The following PREX1 variants were observed in gnomAD, a reference collection of about 807,000 sequenced individuals.
PREX1 encodes the protein phosphatidylinositol 3,4,5-trisphosphate-dependent Rac exchanger 1 protein.
A neutral mutation model predicts 198.3 loss-of-function variants in PREX1; 41 were observed. That is an observed-to-expected ratio of 0.21 (90% CI 0.16 to 0.27). PREX1 has a LOEUF of 0.27. Ranked by LOEUF, PREX1 falls within the 10% of genes least tolerant of loss-of-function variation. The pLI is 1.00. For synonymous variants in PREX1, 843 were observed against 887.2 expected (o/e 0.95, Z 0.89); for missense variants, 1,620 against 2,200.7 (o/e 0.74, Z 5.28).
intron 22 of PREX1, 95 bp downstream of exon 22, chr20:48,651,301 G>A (rs1205351730): frequency 1.3e-5 from 19 of 1,475,698 alleles, no homozygotes; most frequent in South Asian, 5.5e-5. Flanking sequence ...AATGGGATTC[G>A]GGTGTCCCAC....
At chr20:48,786,970 A>T (rs1295619411) in intron 1 of PREX1, among the ~76,000 whole-genome samples, 1 of 95,974 alleles carries the variant, frequency 1.0e-5, no homozygotes, top group Non-Finnish European at 2.1e-5. Flanking sequence ...TGACCCTCCC[A>T]GCCCCCCCTC....
In PREX1 at chr20:48,800,105, C is replaced by G. The variant is rs184633653; in HGVS notation, c.219+27537G>C. Among the ~76,000 whole-genome samples, 128 of 152,322 alleles carry G rather than the reference C, an allele frequency of 8.4e-4. 2 individuals carry two copies. The South Asian group carries it at 0.019, about 23-fold the overall frequency. ...ATTTGAATAAAGCTATTTCACCAAACTTTACACTCATTTAAACTTCACTAC... is the reference window on the plus strand; with the variant it reads ...ATTTGAATAAAGCTATTTCACCAAAGTTTACACTCATTTAAACTTCACTAC... On this transcript the variant is annotated intron_variant, in intron 1 of 39. Coordinates refer to ENST00000371941, the MANE Select transcript of PREX1 (RefSeq NM_020820.4).
At chr20:48,825,621 G>C (rs2090505334) in intron 1 of PREX1, among the ~76,000 whole-genome samples, 1 of 152,008 alleles carries the variant, frequency 6.6e-6, no homozygotes. Context: ...ATCTAGATCT[G>C]TTCTAAAATG....
chr20:48,805,820 C>G lies in PREX1; in HGVS notation c.219+21822G>C, dbSNP rs186380841. On this transcript the variant is annotated intron_variant, in intron 1 of 39. Transcript: ENST00000371941. ...CCAGGTTCAAATCCCAGCTCCAGTG[C>G]CAACTGACAATGAGACTTAGAACCA... is the stretch of plus-strand genomic sequence containing the variant. Among the ~76,000 whole-genome samples the G allele has an allele frequency of 2.0e-4, 31 of 152,336 alleles. No homozygotes were observed. The East Asian group carries it at 5.6e-3, about 27-fold the overall frequency.
intron 10 of PREX1, among the ~76,000 whole-genome samples, chr20:48,685,935 A>G (rs1036549047): frequency 4.3e-5 from 6 of 139,520 alleles, no homozygotes; most frequent in African/African-American, 1.5e-4. Flanking sequence ...ATATTCATGC[A>G]GTTCCCTAAC....
intron 33 of PREX1, among the ~76,000 whole-genome samples, chr20:48,633,371 G>A (rs1250047168): frequency 3.3e-5 from 5 of 152,234 alleles, no homozygotes; most frequent in Admixed American, 2.6e-4. Context: ...CAGATGCACA[G>A]ATAAACAGAC....
intron 5 of PREX1, among the ~76,000 whole-genome samples, chr20:48,722,355 C>T (rs890178557): frequency 2.0e-5 from 3 of 152,108 alleles, no homozygotes; most frequent in African/African-American, 2.4e-5. Flanking sequence ...CAGCCAGGCA[C>T]GAAAGACCAG....
At chr20:48,652,148 G>A (rs1460004284) in intron 21 of PREX1, among the ~76,000 whole-genome samples, 5 of 152,196 alleles carry the variant, frequency 3.3e-5, no homozygotes, top group African/African-American at 7.2e-5. Context: ...CGTGGGCATC[G>A]CGGCCGTGCG....
At chr20:48,667,527 T>C (rs1284719541) in intron 14 of PREX1, among the ~76,000 whole-genome samples, 1 of 152,222 alleles carries the variant, frequency 6.6e-6, no homozygotes, top group Non-Finnish European at 1.5e-5. Context: ...TGTCTGCTAC[T>C]GAGCCCACAA....
intron 4 of PREX1, among the ~76,000 whole-genome samples, chr20:48,732,614 A>C (rs764481717): frequency 6.6e-5 from 10 of 152,218 alleles, no homozygotes; most frequent in Non-Finnish European, 1.5e-4. Context: ...AAAGTCACTT[A>C]ATATTGTGAA....
At chr20:48,687,396 TC>T (rs1568824430) in intron 10 of PREX1, among the ~76,000 whole-genome samples, 1 of 152,202 alleles carries the variant, frequency 6.6e-6, no homozygotes, top group African/African-American at 2.4e-5. Flanking sequence ...AGTCCTGAAC[TC>T]CCTTTACTTT....
chr20:48,645,703 TCCCCC>T (rs1389355800), intron 26 of PREX1, 143 bp downstream of exon 26: 15 of 899,182 alleles, frequency 1.7e-5, no homozygotes, highest in Non-Finnish European at 1.3e-5. Context: ...TCTCAGATAA[TCCCCC>T]AGAACCACGC....
rs910395327 is a variant in PREX1 at position 48,708,428 on chromosome 20, T to C, written c.622-7A>G. On this transcript the variant is annotated splice_polypyrimidine_tract_variant and splice_region_variant and intron_variant, in intron 5 of 39. Coordinates refer to ENST00000371941, the MANE Select transcript of PREX1 (RefSeq NM_020820.4). ...GAGTCCTCTTGGCCAGCTCCTGGGG[T>C]AGAATAGAGGTGGGGAGAAGAAAGC... 1 of 1,613,148 alleles carries C rather than the reference T, an allele frequency of 6.2e-7. No individual in the cohort carries two copies. Among genetic ancestry groups the C allele is most frequent in the African/African-American group, 1.3e-5 (1 of 74,732 alleles).
In PREX1 at chr20:48,746,757, T is replaced by TA. The variant is rs11342038; in HGVS notation, c.291+1051dup. Among the ~76,000 whole-genome samples the TA allele has an allele frequency of 6.9e-3, 1,038 of 150,934 alleles. 14 individuals carry two copies. The highest frequency in any genetic ancestry group is 0.024 in the African/African-American group (990 of 41,068). On this transcript the variant is annotated intron_variant, in intron 2 of 39. Transcript: ENST00000371941. Reference sequence around the variant, plus strand: ...TTACTGTATGAGACTTCTACCTCATTAAAAAAAAAGGTAATTTTTTATAAA... The same window carrying TA: ...TTACTGTATGAGACTTCTACCTCATTAAAAAAAAAAGGTAATTTTTTATAAA...
Position 48,770,522 on chromosome 20 carries a change from CCAA to C in PREX1, c.220-22645_220-22643del, listed in dbSNP as rs577531524. On this transcript the variant is annotated intron_variant, in intron 1 of 39. Coordinates refer to ENST00000371941, the MANE Select transcript of PREX1 (RefSeq NM_020820.4). ...GGTCAGGAGTTCGAGACCAGCCTGG[CCAA>C]CAAGGCAAAACCCCATCTCTACTAA... 1.9e-3 allele frequency among the ~76,000 whole-genome samples: 285 copies of C among 152,274 alleles called. 1 individual carries two copies. The highest frequency in any genetic ancestry group is 6.5e-3 in the African/African-American group (271 of 41,554).
At position 48,676,281 on chromosome 20, in the gene PREX1, T is replaced by C; in HGVS notation, c.1590-13A>G. 1 of 1,612,872 alleles carries C rather than the reference T, an allele frequency of 6.2e-7. No homozygotes were observed. The highest frequency in any genetic ancestry group is 8.5e-7 in the Non-Finnish European group (1 of 1,179,156). ...GTAATCACGGTCTCTGTGGAGAAGG[T>C]GAGCGCACAGTGAGCAGGGCAGGGC... On this transcript the variant is annotated splice_polypyrimidine_tract_variant and intron_variant, in intron 13 of 39. Coordinates refer to ENST00000371941, the MANE Select transcript of PREX1 (RefSeq NM_020820.4).
intron 5 of PREX1, among the ~76,000 whole-genome samples, chr20:48,714,857 A>G (rs926262510): frequency 2.0e-5 from 3 of 152,224 alleles, no homozygotes; most frequent in South Asian, 4.1e-4. Flanking sequence ...ACTGCTTCAC[A>G]GTCTCAGAGG....
the PREX1 span, among the ~76,000 whole-genome samples, chr20:48,868,783 G>A: frequency 4.0e-5 from 6 of 151,898 alleles, no homozygotes; most frequent in East Asian, 7.7e-4. Context: ...CCTTTTTTCC[G>A]TGTTTTATCC....
chr20:48,672,128 T>C (rs1045328277), intron 14 of PREX1, among the ~76,000 whole-genome samples: 1 of 152,204 alleles, frequency 6.6e-6, no homozygotes, highest in Non-Finnish European at 1.5e-5. Flanking sequence ...TGGCTTTTAC[T>C]GGTTCCTCCT....
Sources: allele counts gnomAD v4.1 joint callset (sites outside exome capture counted in the v4.1 genomes callset), GRCh38; gene constraint gnomAD v4.1.1; transcripts MANE v1.5; gene names NCBI Gene and HGNC (gene_info 2026-07-23, HGNC 2026-07-21).